The following MAPT variants were observed in gnomAD, a reference collection of about 807,000 sequenced individuals.
MAPT encodes microtubule associated protein tau.
In MAPT, 34 loss-of-function variants were observed where a neutral mutation model predicts 67.9. That is an observed-to-expected ratio of 0.50 (90% CI 0.38 to 0.67). The LOEUF (loss-of-function observed/expected upper bound fraction) is 0.67, where lower values mean the gene tolerates loss of function less well. MAPT is among the 30% of genes least tolerant of loss of function. The pLI is 0.00. For missense variants in MAPT, 881 were observed against 1,115.2 expected, an observed-to-expected ratio of 0.79 and a Z score of 2.99; for synonymous variants, 456 against 464.5, an observed-to-expected ratio of 0.98 and a Z score of 0.23.
At chr17:45,966,582 C>T (rs888247798) in intron 2 of MAPT, among the ~76,000 whole-genome samples, 3 of 152,138 alleles carry the variant, frequency 2.0e-5, no homozygotes, top group Admixed American at 6.6e-5. Context: ...GAGCAAGACC[C>T]TGTCTCAAAA....
At chr17:45,927,657 T>C (rs1013908923) in intron 1 of MAPT, among the ~76,000 whole-genome samples, 3 of 152,112 alleles carry the variant, frequency 2.0e-5, no homozygotes, top group African/African-American at 7.2e-5. Context: ...ACATACCCCC[T>C]TCAGTCAACC....
At position 45,915,480 on chromosome 17, in the gene MAPT, T is replaced by G. The variant is rs62056853; in HGVS notation, c.-18+20794T>G. ...TGTATGTTTGAGCATGTGTGGTGTGTTGTGATATGTGTGTGGTGTGTGAGC... is the reference window on the plus strand; with the variant it reads ...TGTATGTTTGAGCATGTGTGGTGTGGTGTGATATGTGTGTGGTGTGTGAGC... On this transcript the variant is annotated intron_variant, in intron 1 of 12. Coordinates refer to ENST00000262410, the MANE Select transcript of MAPT (RefSeq NM_001377265.1). This position sits in a 1 kb window ranked among gnomAD's most constrained non-coding sequence, Gnocchi z 4.4. Among the ~76,000 whole-genome samples, 1 of 146,088 alleles carries G rather than the reference T, an allele frequency of 6.8e-6. No individual in the cohort carries two copies. Among genetic ancestry groups the G allele is most frequent in the African/African-American group, 2.5e-5 (1 of 39,932 alleles).
At chr17:46,006,815 C>T (rs528955756) in intron 9 of MAPT, among the ~76,000 whole-genome samples, 103 of 151,736 alleles carry the variant, frequency 6.8e-4, no homozygotes, top group African/African-American at 2.4e-3. Context: ...CCCAGCTACT[C>T]GGGAGGCTGA....
intron 2 of MAPT, among the ~76,000 whole-genome samples, chr17:45,964,352 C>T (rs1024414494): frequency 2.3e-4 from 26 of 111,970 alleles, no homozygotes; most frequent in African/African-American, 8.7e-4. Flanking sequence ...TGCTATCCCT[C>T]CCCCCTCCCC....
At chr17:45,919,948 A>T (rs1416205134) in intron 1 of MAPT, among the ~76,000 whole-genome samples, 2 of 152,148 alleles carry the variant, frequency 1.3e-5, no homozygotes, top group African/African-American at 4.8e-5. Context: ...GAAGGCTTAA[A>T]GGGGGCTCCA....
At chr17:45,966,453 G>A (rs62063293) in intron 2 of MAPT, among the ~76,000 whole-genome samples, 21,959 of 152,040 alleles carry the variant, frequency 0.14, 2,132 homozygotes, top group Non-Finnish European at 0.22. Flanking sequence ...GCCAGGTGTG[G>A]TGGCGCATTC....
At chr17:46,016,167 A>G (rs2076164424) in intron 11 of MAPT, among the ~76,000 whole-genome samples, 1 of 152,136 alleles carries the variant, frequency 6.6e-6, no homozygotes, top group Non-Finnish European at 1.5e-5. Flanking sequence ...GGGGGTGGGC[A>G]GATTGCCTGA....
At position 46,023,365 on chromosome 17, in the gene MAPT, C is replaced by T. The variant is rs952279684; in HGVS notation, c.2287-591C>T. ...ATGCCTTTTGGTACATCCGTGGCGA[C>T]GGAATACTAAGCAGCCTGTGTATCT... On this transcript the variant is annotated intron_variant, in intron 12 of 12. Coordinates refer to ENST00000262410, the MANE Select transcript of MAPT (RefSeq NM_001377265.1). Among the ~76,000 whole-genome samples the T allele has an allele frequency of 7.9e-5, 12 of 152,288 alleles. No individual in the cohort carries two copies. The South Asian group carries it at 1.2e-3, about 16-fold the overall frequency.
At chr17:45,990,907 G>A (rs1320027462) in intron 7 of MAPT, among the ~76,000 whole-genome samples, 4 of 152,270 alleles carry the variant, frequency 2.6e-5, no homozygotes, top group Admixed American at 2.0e-4. Context: ...GCTGGTGCTC[G>A]CCTCCTCGGG....
At position 45,903,755 on chromosome 17, in the gene MAPT, ATT is replaced by A. The variant is rs67136360; in HGVS notation, c.-18+9076_-18+9077del. ...AAGGAATCTCTTTGGTTTTATATAT[ATT>A]TTTTTTATATATATAATATATATTA... is the stretch of plus-strand genomic sequence containing the variant. On this transcript the variant is annotated intron_variant, in intron 1 of 12. Coordinates refer to ENST00000262410, the MANE Select transcript of MAPT (RefSeq NM_001377265.1). 1.3e-4 allele frequency among the ~76,000 whole-genome samples: 10 copies of A among 79,602 alleles called. 2 individuals are homozygous for A. Among genetic ancestry groups the A allele is most frequent in the Non-Finnish European group, 2.4e-4 (10 of 40,946 alleles). 52.2% of individuals were successfully genotyped at this position (79,602 alleles called of 152,430 possible).
chr17:45,912,943 A>T (rs1429275315), intron 1 of MAPT, among the ~76,000 whole-genome samples: 2 of 152,244 alleles, frequency 1.3e-5, no homozygotes, highest in Admixed American at 6.5e-5. Flanking sequence ...TCTAGACAAA[A>T]GAGAGGGCAG....
chr17:45,917,628 G>A (rs2065308036), intron 1 of MAPT, among the ~76,000 whole-genome samples: 1 of 152,168 alleles, frequency 6.6e-6, no homozygotes, highest in Non-Finnish European at 1.5e-5. Flanking sequence ...GAAAGTATCA[G>A]TGAAGTTAAT....
intron 3 of MAPT, chr17:45,974,265 G>A: frequency 1.3e-6 from 1 of 754,174 alleles, no homozygotes; most frequent in Non-Finnish European, 2.3e-6. Flanking sequence ...CTGCTTTCTG[G>A]CATATGGCTG....
intron 1 of MAPT, among the ~76,000 whole-genome samples, chr17:45,954,174 G>T (rs55978005): frequency 0.14 from 21,814 of 152,128 alleles, 2,134 homozygotes; most frequent in Non-Finnish European, 0.22. Flanking sequence ...GAAAGCTATG[G>T]GAAATTCAAA....
At chr17:45,908,474 T>G (rs1274167214) in intron 1 of MAPT, 1 of 152,068 alleles carries the variant, frequency 6.6e-6, no homozygotes, top group Non-Finnish European at 1.5e-5. Flanking sequence ...AGGGTCACAG[T>G]GAGAGGGGAG....
At chr17:45,954,305 A>G (rs868856677) in intron 1 of MAPT, among the ~76,000 whole-genome samples, 1 of 152,168 alleles carries the variant, frequency 6.6e-6, no homozygotes, top group Non-Finnish European at 1.5e-5. Flanking sequence ...GTGGCCCACA[A>G]AGCCTTACAA....
intron 1 of MAPT, among the ~76,000 whole-genome samples, chr17:45,912,382 G>C (rs975578741): frequency 1.3e-5 from 2 of 152,186 alleles, no homozygotes; most frequent in Non-Finnish European, 2.9e-5. Context: ...ATCTAGGTAG[G>C]TCCTAAATGC....
chr17:45,993,389 C>T (rs1166636752), intron 8 of MAPT, among the ~76,000 whole-genome samples: 7 of 151,852 alleles, frequency 4.6e-5, no homozygotes, highest in African/African-American at 1.7e-4. Flanking sequence ...CACTTAACAT[C>T]GGGCCAGTTG....
intron 1 of MAPT, among the ~76,000 whole-genome samples, chr17:45,909,547 C>A (rs980771173): frequency 5.3e-5 from 8 of 152,140 alleles, no homozygotes; most frequent in Admixed American, 2.0e-4. Context: ...CCAGCCTGGG[C>A]AACATAGCAA....
Sources: allele counts gnomAD v4.1 joint callset (sites outside exome capture counted in the v4.1 genomes callset), GRCh38; gene constraint gnomAD v4.1.1; non-coding constraint Gnocchi (gnomAD v3.1); transcripts MANE v1.5; gene names NCBI Gene and HGNC (gene_info 2026-07-23, HGNC 2026-07-21).